Variants in CNTN4 observed in about 807,000 individuals in gnomAD.
The protein encoded by CNTN4 is contactin-4.
A neutral mutation model predicts 122.5 loss-of-function variants in CNTN4; 77 were observed. The observed-to-expected ratio is 0.63, with a 90% CI of 0.52 to 0.76. CNTN4 has a LOEUF of 0.76. Among genes scored for constraint, CNTN4 ranks in the 30% least tolerant of loss-of-function variants. The pLI is 0.00. For synonymous variants in CNTN4, 512 were observed against 447.0 expected (o/e 1.15, Z -1.83); for missense variants, 1,256 against 1,259.1 (o/e 1.00, Z 0.04).
At chr3:2,110,355 G>A (rs2032844700) in intron 2 of CNTN4, 1 of 152,256 alleles carries the variant, frequency 6.6e-6, no homozygotes, top group Non-Finnish European at 1.5e-5. Flanking sequence ...CACATTGTAA[G>A]CATTAGGTAA....
chr3:2,294,841 C>T (rs1403881303), intron 2 of CNTN4, among the ~76,000 whole-genome samples: 1 of 151,934 alleles, frequency 6.6e-6, no homozygotes, highest in Non-Finnish European at 1.5e-5. Flanking sequence ...CCCAACCCCA[C>T]AACAGTCCCC....
chr3:2,344,112 C>T (rs1185622083), intron 3 of CNTN4, among the ~76,000 whole-genome samples: 1 of 152,094 alleles, frequency 6.6e-6, no homozygotes, highest in African/African-American at 2.4e-5. Context: ...GCACTAGGCC[C>T]CACCTCCCAT....
chr3:2,883,114 T>G, intron 8 of CNTN4, 31 bp from the exon 9 acceptor site: 1 of 1,486,504 alleles, frequency 6.7e-7, no homozygotes, highest in Non-Finnish European at 9.4e-7. Context: ...TAAAAGAATC[T>G]CCAAGACTTA....
At chr3:2,703,709 T>C (rs879368082) in intron 4 of CNTN4, among the ~76,000 whole-genome samples, 15 of 152,034 alleles carry the variant, frequency 9.9e-5, no homozygotes, top group African/African-American at 3.4e-4. Context: ...GAAAACAAAA[T>C]TGTAATCATA....
chr3:2,345,899 G>C (rs2044380969), intron 3 of CNTN4, among the ~76,000 whole-genome samples: 1 of 152,100 alleles, frequency 6.6e-6, no homozygotes, highest in Non-Finnish European at 1.5e-5. Context: ...GATGATGCTT[G>C]TTGACAAAAT....
rs1416958711 is a variant in CNTN4, at chr3:2,861,069, A to G, written c.455-5683A>G. Among the ~76,000 whole-genome samples, 3 of 152,342 alleles carry G rather than the reference A, an allele frequency of 2.0e-5. No homozygotes were observed. In the East Asian group the frequency reaches 5.8e-4, roughly 29 times the overall value. ...TGAAAAAAATGCCAAAAGAAACTCT[A>G]AGAATTTACATTAATATGTTTGGTG... is the stretch of plus-strand genomic sequence containing the variant. On this transcript the variant is annotated intron_variant, in intron 7 of 24. Coordinates refer to ENST00000418658, the MANE Select transcript of CNTN4 (RefSeq NM_175607.3).
At chr3:2,206,311 G>C (rs1315168849) in intron 2 of CNTN4, among the ~76,000 whole-genome samples, 2 of 152,008 alleles carry the variant, frequency 1.3e-5, no homozygotes, top group Non-Finnish European at 1.5e-5. Context: ...TATCTACAAA[G>C]GCTTCTGTAT....
intron 12 of CNTN4, 21 bp downstream of exon 12, chr3:2,903,026 GA>G (rs749228950): frequency 7.5e-5 from 119 of 1,596,052 alleles, no homozygotes; most frequent in South Asian, 8.9e-5. Context: ...ATACTGGCAA[GA>G]AAAAAAAATT....
chr3:2,504,028 T>TA (rs976571655), intron 3 of CNTN4, among the ~76,000 whole-genome samples: 2 of 151,982 alleles, frequency 1.3e-5, no homozygotes, highest in Non-Finnish European at 2.9e-5. Flanking sequence ...TTTTTTTTTT[T>TA]ATTTCCAGGT....
chr3:2,692,202 T>A (rs1475719335), intron 4 of CNTN4, among the ~76,000 whole-genome samples: 1 of 152,214 alleles, frequency 6.6e-6, no homozygotes, highest in African/African-American at 2.4e-5. Context: ...ATGCGATCCC[T>A]TGACTAAGTA....
chr3:2,543,610 CA>C (rs750126893), intron 3 of CNTN4, among the ~76,000 whole-genome samples: 4 of 152,014 alleles, frequency 2.6e-5, no homozygotes, highest in Non-Finnish European at 5.9e-5. Context: ...AATAGGGAGC[CA>C]AAACAAGACA....
At chr3:2,393,025 T>C (rs922508593) in intron 3 of CNTN4, among the ~76,000 whole-genome samples, 5 of 152,172 alleles carry the variant, frequency 3.3e-5, no homozygotes, top group Non-Finnish European at 5.9e-5. Context: ...CATTTCTGGA[T>C]GTTAGAAGGC....
chr3:2,674,020 T>C (rs1228693562), intron 4 of CNTN4, among the ~76,000 whole-genome samples: 2 of 152,168 alleles, frequency 1.3e-5, no homozygotes, highest in African/African-American at 2.4e-5. Flanking sequence ...AGTGAGGCCA[T>C]CTCAGACCTT....
intron 2 of CNTN4, among the ~76,000 whole-genome samples, chr3:2,176,661 A>G (rs572640178): frequency 4.1e-4 from 63 of 152,328 alleles, no homozygotes; most frequent in African/African-American, 1.2e-3. Flanking sequence ...ACAGATTAGC[A>G]TGATATGCCA....
intron 13 of CNTN4, among the ~76,000 whole-genome samples, chr3:2,987,018 G>A (rs1441340054): frequency 6.6e-6 from 1 of 152,216 alleles, no homozygotes; most frequent in Non-Finnish European, 1.5e-5. Context: ...ACCGTAAACA[G>A]TGAGTTGGGA....
intron 4 of CNTN4, among the ~76,000 whole-genome samples, chr3:2,582,271 T>C (rs1315865870): frequency 6.6e-6 from 1 of 152,218 alleles, no homozygotes; most frequent in Non-Finnish European, 1.5e-5. Flanking sequence ...CCCTGATACA[T>C]GATAAACAGA....
At chr3:2,328,229 C>A (rs1476655181) in intron 2 of CNTN4, among the ~76,000 whole-genome samples, 1 of 151,888 alleles carries the variant, frequency 6.6e-6, no homozygotes, top group African/African-American at 2.4e-5. Flanking sequence ...CACGGTGAAA[C>A]CCCGTCTCTA....
intron 3 of CNTN4, among the ~76,000 whole-genome samples, chr3:2,448,107 A>G (rs2048690614): frequency 1.3e-5 from 2 of 152,168 alleles, no homozygotes; most frequent in South Asian, 4.1e-4. Flanking sequence ...ATGGACACTA[A>G]CAGGATAAGA....
chr3:2,539,514 G>C (rs891973163), intron 3 of CNTN4, among the ~76,000 whole-genome samples: 2 of 152,020 alleles, frequency 1.3e-5, no homozygotes, highest in Non-Finnish European at 2.9e-5. Context: ...GAGAACAAAA[G>C]TATTTAGAAA....
Sources: gnomAD v4.1 joint callset for allele counts (sites outside exome capture counted in the v4.1 genomes callset) on GRCh38, gnomAD v4.1.1 for gene constraint, MANE v1.5 for transcripts, NCBI Gene and HGNC (gene_info 2026-07-23, HGNC 2026-07-21) for gene names.